Variants in ITPR2 observed in about 807,000 individuals in gnomAD.
ITPR2 encodes the protein inositol 1,4,5-trisphosphate receptor type 2.
ITPR2 carries 207 observed loss-of-function variants against 317.1 expected under a neutral mutation model. The ratio of observed to expected loss-of-function variants is 0.65; its 90% CI spans 0.58 to 0.73. The LOEUF (loss-of-function observed/expected upper bound fraction) is 0.73. ITPR2 is among the 30% of genes least tolerant of loss of function. The pLI is 0.00. For synonymous variants in ITPR2, 1,156 were observed against 1,149.1 expected (o/e 1.01, Z -0.12); for missense variants, 2,613 against 3,284.0 (o/e 0.80, Z 4.99).
At chr12:26,411,150 A>T (rs1017730091) in intron 52 of ITPR2, 170 bp downstream of exon 52, 8 of 566,388 alleles carry the variant, frequency 1.4e-5, no homozygotes, top group African/African-American at 1.3e-4. Context: ...AAAATGACCA[A>T]TGTGGGAATC....
intron 2 of ITPR2, among the ~76,000 whole-genome samples, chr12:26,735,801 T>C (rs933383665): frequency 6.6e-6 from 1 of 152,258 alleles, no homozygotes; most frequent in Non-Finnish European, 1.5e-5. Context: ...CTTTGCTCTA[T>C]GAATGACTTC....
intron 38 of ITPR2, 89 bp downstream of exon 38, chr12:26,495,063 T>G (rs1362605603): frequency 2.6e-6 from 2 of 762,284 alleles, no homozygotes; most frequent in Non-Finnish European, 4.7e-6. Flanking sequence ...CTTTTATATA[T>G]CTGCCATTTC....
At chr12:26,669,028 G>A (rs1171005389) in intron 13 of ITPR2, among the ~76,000 whole-genome samples, 1 of 152,092 alleles carries the variant, frequency 6.6e-6, no homozygotes, top group Non-Finnish European at 1.5e-5. Context: ...TGAGGCAAGA[G>A]GAATTGCTGA....
chr12:26,342,489 C>G (rs1261009929), intron 55 of ITPR2, among the ~76,000 whole-genome samples: 1 of 8,140 alleles, frequency 1.2e-4, no homozygotes, highest in Non-Finnish European at 2.7e-4. Flanking sequence ...GTGTTTGGGT[C>G]ACGGCGGTGG....
At chr12:26,819,067 A>T (rs969707800) in intron 1 of ITPR2, among the ~76,000 whole-genome samples, 7 of 152,224 alleles carry the variant, frequency 4.6e-5, no homozygotes, top group African/African-American at 1.4e-4. Flanking sequence ...TACATTTTTA[A>T]ATATCTAGCA....
chr12:26,359,116 T>G (rs994081967), intron 55 of ITPR2, among the ~76,000 whole-genome samples: 1 of 152,030 alleles, frequency 6.6e-6, no homozygotes, highest in African/African-American at 2.4e-5. Context: ...TTTACTTCCT[T>G]TGTTTCTAGA....
chr12:26,665,421 G>A (rs1263127140), intron 14 of ITPR2, among the ~76,000 whole-genome samples: 1 of 152,226 alleles, frequency 6.6e-6, no homozygotes, highest in South Asian at 2.1e-4. Context: ...TAGCCTCATC[G>A]AATCCTCTCT....
chr12:26,682,540 G>T, intron 12 of ITPR2, 34 bp downstream of exon 12: 1 of 1,313,970 alleles, frequency 7.6e-7, no homozygotes, highest in Non-Finnish European at 1.1e-6. Flanking sequence ...CATGGCATTT[G>T]GCTGAAAATT....
intron 32 of ITPR2, among the ~76,000 whole-genome samples, chr12:26,583,282 T>C (rs1945446011): frequency 6.6e-6 from 1 of 152,188 alleles, no homozygotes; most frequent in African/African-American, 2.4e-5. Context: ...CATTTCTATC[T>C]TCTGTCATAC....
intron 2 of ITPR2, among the ~76,000 whole-genome samples, chr12:26,756,584 T>C (rs1949524801): frequency 6.6e-6 from 1 of 152,248 alleles, no homozygotes; most frequent in South Asian, 2.1e-4. Flanking sequence ...TTCCAGATAT[T>C]GCCTCTTGTC....
intron 55 of ITPR2, among the ~76,000 whole-genome samples, chr12:26,344,126 C>T (rs1938226865): frequency 1.3e-5 from 2 of 152,080 alleles, no homozygotes; most frequent in African/African-American, 2.4e-5. Context: ...AGGCCCTCAC[C>T]AGACGTGGGC....
rs1939178761 is a variant in ITPR2, at chr12:26,371,205, C to G, written c.7857+16229G>C. ...GTCATTAAAAGTATTCTTCAAGTCA[C>G]CCAAACTCAAAACCTTAGTCTTCTT... is the stretch of plus-strand genomic sequence containing the variant. On this transcript the variant is annotated intron_variant, in intron 55 of 56. Transcript: ENST00000381340. Among the ~76,000 whole-genome samples the G allele has an allele frequency of 2.0e-5, 3 of 152,278 alleles. No individual in the cohort carries two copies. The South Asian group carries it at 6.2e-4, about 32-fold the overall frequency.
chr12:26,417,053 G>A (rs1940741892), intron 50 of ITPR2, among the ~76,000 whole-genome samples: 1 of 152,194 alleles, frequency 6.6e-6, no homozygotes, highest in African/African-American at 2.4e-5. Flanking sequence ...AAAATCTAGA[G>A]TGTGGTTTTT....
chr12:26,607,581 C>T (rs1399695405), intron 26 of ITPR2, among the ~76,000 whole-genome samples: 1 of 152,088 alleles, frequency 6.6e-6, no homozygotes, highest in Non-Finnish European at 1.5e-5. Context: ...TCGGTTTCTG[C>T]TTCCCTGGGA....
In ITPR2 at chr12:26,621,224, G is replaced by C; in HGVS notation, c.3361C>G (p.Leu1121Val). Reference protein sequence around the residue: ...QIKADLDQLRLTVEKSELWVE... With the variant: ...QIKADLDQLRVTVEKSELWVE... ...CATAGCTCAGACTTTTCTACTGTCAGTCGAAGCTGGTCTAGATCTGCCTTG... is the reference window on the plus strand; with the variant it reads ...CATAGCTCAGACTTTTCTACTGTCACTCGAAGCTGGTCTAGATCTGCCTTG... Residue 1121 changes from leucine (L) to valine (V), a missense_variant, in exon 26 of 57, where the codon CTG becomes GTG. This residue lies in a region of ITPR2 where 817 missense variants were observed against 897.6 expected (regional missense o/e 0.91). Coordinates refer to ENST00000381340, the MANE Select transcript of ITPR2 (RefSeq NM_002223.4). The C allele has an allele frequency of 6.2e-7, 1 of 1,613,812 alleles. No individual in the cohort carries two copies. The highest frequency in any genetic ancestry group is 8.5e-7 in the Non-Finnish European group (1 of 1,179,804).
intron 37 of ITPR2, among the ~76,000 whole-genome samples, chr12:26,533,573 G>T (rs1157907592): frequency 7.2e-5 from 11 of 152,158 alleles, no homozygotes; most frequent in Non-Finnish European, 1.6e-4. Context: ...TCAGAAATAA[G>T]ATCTTTGAAG....
At chr12:26,491,474 C>T (rs1186308790) in intron 39 of ITPR2, among the ~76,000 whole-genome samples, 1 of 101,638 alleles carries the variant, frequency 9.8e-6, no homozygotes, top group Non-Finnish European at 1.9e-5. Flanking sequence ...CAGAGCAAGA[C>T]TCCATCTCAA....
intron 48 of ITPR2, among the ~76,000 whole-genome samples, chr12:26,432,520 G>T (rs1941238339): frequency 6.6e-6 from 1 of 151,354 alleles, no homozygotes; most frequent in African/African-American, 2.5e-5. Context: ...TAAGTATACT[G>T]TGGGGACAGA....
chr12:26,729,524 T>C (rs1948991978), intron 2 of ITPR2, among the ~76,000 whole-genome samples: 2 of 152,078 alleles, frequency 1.3e-5, no homozygotes, highest in Non-Finnish European at 2.9e-5. Context: ...TGCAGCACCA[T>C]TCACAATAGC....
Sources: allele counts gnomAD v4.1 joint callset (sites outside exome capture counted in the v4.1 genomes callset), GRCh38; gene constraint gnomAD v4.1.1; regional missense constraint gnomAD v4.1.1; transcripts MANE v1.5; gene names NCBI Gene and HGNC (gene_info 2026-07-23, HGNC 2026-07-21).